The following CREB5 variants were observed in gnomAD, a reference collection of about 807,000 sequenced individuals.
CREB5 encodes the protein cyclic AMP-responsive element-binding protein 5.
A neutral mutation model predicts 57.1 loss-of-function variants in CREB5; 19 were observed. The ratio of observed to expected loss-of-function variants is 0.33; its 90% CI spans 0.23 to 0.49. The LOEUF (loss-of-function observed/expected upper bound fraction) is 0.49. Ranked by LOEUF, CREB5 falls within the 20% of genes least tolerant of loss-of-function variation. CREB5 has a pLI of 0.99. For missense variants in CREB5, 579 were observed against 671.6 expected, an observed-to-expected ratio of 0.86 and a Z score of 1.52; for synonymous variants, 238 against 238.3, an observed-to-expected ratio of 1.00 and a Z score of 0.01.
chr7:28,437,251 T>C (rs1021170658), intron 1 of CREB5, among the ~76,000 whole-genome samples: 1 of 152,198 alleles, frequency 6.6e-6, no homozygotes, highest in African/African-American at 2.4e-5. Context: ...TTGTCTTATT[T>C]AGTAGGTGTT....
intron 1 of CREB5, among the ~76,000 whole-genome samples, chr7:28,440,328 G>C (rs1314638294): frequency 1.3e-5 from 2 of 152,212 alleles, no homozygotes; most frequent in African/African-American, 2.4e-5. Flanking sequence ...ATAGAAAAAT[G>C]GTAGTTCAAC....
At chr7:28,633,927 TG>T (rs1344014685) in intron 5 of CREB5, among the ~76,000 whole-genome samples, 1 of 152,232 alleles carries the variant, frequency 6.6e-6, no homozygotes, top group Non-Finnish European at 1.5e-5. Flanking sequence ...CACTGTTGTC[TG>T]TAGCCAGGAG....
intron 7 of CREB5, among the ~76,000 whole-genome samples, chr7:28,740,028 G>C (rs887870282): frequency 3.3e-5 from 5 of 152,144 alleles, no homozygotes; most frequent in Non-Finnish European, 2.9e-5. Flanking sequence ...AGGGAAGCCT[G>C]AGCCAGATCT....
At chr7:28,777,280 C>G (rs1190622379) in intron 7 of CREB5, among the ~76,000 whole-genome samples, 1 of 152,188 alleles carries the variant, frequency 6.6e-6, no homozygotes, top group Non-Finnish European at 1.5e-5. Flanking sequence ...TGATGTGCTA[C>G]TATCCGGTGC....
chr7:28,714,655 AAC>A (rs1802578362), intron 5 of CREB5, among the ~76,000 whole-genome samples: 1 of 152,226 alleles, frequency 6.6e-6, no homozygotes, highest in African/African-American at 2.4e-5. Context: ...GGACAGTGAA[AAC>A]ACAGTCTGTC....
intron 7 of CREB5, among the ~76,000 whole-genome samples, chr7:28,727,930 CTGTTTGTT>C (rs112375352): frequency 0.012 from 1,886 of 151,154 alleles, 8 homozygotes; most frequent in Middle Eastern, 0.02. Context: ...GATATTGTCC[CTGTTTGTT>C]TGTTTGTTTG....
chr7:28,466,321 G>C (rs933120168), intron 1 of CREB5, among the ~76,000 whole-genome samples: 1 of 151,528 alleles, frequency 6.6e-6, no homozygotes, highest in African/African-American at 2.4e-5. Flanking sequence ...CTCATCTGCT[G>C]CAAGGGAATT....
Position 28,524,257 on chromosome 7 carries a change from A to G in CREB5, c.291+16520A>G, listed in dbSNP as rs1793328514. On this transcript the variant is annotated intron_variant, in intron 4 of 10. Coordinates refer to ENST00000357727, the MANE Select transcript of CREB5 (RefSeq NM_182898.4). ...TTCGGGAGTCAAAGATGGGCAGATC[A>G]CTTGAGGTCAGAAGTTCAAGACTAG... Among the ~76,000 whole-genome samples, 6 of 150,816 alleles carry G rather than the reference A, an allele frequency of 4.0e-5. No individual in the cohort carries two copies. In the South Asian group the frequency reaches 1.3e-3, roughly 32 times the overall value.
intron 5 of CREB5, among the ~76,000 whole-genome samples, chr7:28,671,706 G>A (rs763161565): frequency 6.6e-6 from 1 of 152,202 alleles, no homozygotes; most frequent in Non-Finnish European, 1.5e-5. Flanking sequence ...ATTAGAGTAT[G>A]AACACATCAG....
chr7:28,400,597 G>A (rs1297893237), intron 1 of CREB5, among the ~76,000 whole-genome samples: 1 of 152,148 alleles, frequency 6.6e-6, no homozygotes, highest in Non-Finnish European at 1.5e-5. Context: ...GAGCCAGGTA[G>A]GGAAGCTTTA....
intron 7 of CREB5, among the ~76,000 whole-genome samples, chr7:28,753,071 G>A (rs992928429): frequency 6.6e-6 from 1 of 152,082 alleles, no homozygotes; most frequent in Non-Finnish European, 1.5e-5. Context: ...TTGGCAAAAT[G>A]TACCAAGCCT....
chr7:28,798,694 AG>A (rs1172406431), intron 7 of CREB5, among the ~76,000 whole-genome samples: 1 of 152,234 alleles, frequency 6.6e-6, no homozygotes, highest in African/African-American at 2.4e-5. Flanking sequence ...CCTGTGCGTC[AG>A]GCTTCTCGCC....
intron 5 of CREB5, among the ~76,000 whole-genome samples, chr7:28,614,577 C>A (rs1049594327): frequency 1.3e-5 from 2 of 152,050 alleles, no homozygotes; most frequent in African/African-American, 4.8e-5. Context: ...TAATGAGAGC[C>A]CCTTGCACTT....
At chr7:28,305,812 C>T (rs1392858952) in intron 1 of CREB5, among the ~76,000 whole-genome samples, 1 of 151,004 alleles carries the variant, frequency 6.6e-6, no homozygotes, top group Non-Finnish European at 1.5e-5. Flanking sequence ...AACATATTCT[C>T]CTTGTGAGCT....
intron 5 of CREB5, among the ~76,000 whole-genome samples, chr7:28,572,978 C>T (rs1795761586): frequency 6.6e-6 from 1 of 152,148 alleles, no homozygotes; most frequent in Non-Finnish European, 1.5e-5. Flanking sequence ...TTCTTTTATT[C>T]AGATTCCTCC....
At chr7:28,334,752 T>C (rs936853410) in intron 1 of CREB5, among the ~76,000 whole-genome samples, 6 of 152,150 alleles carry the variant, frequency 3.9e-5, no homozygotes, top group African/African-American at 1.2e-4. Flanking sequence ...CCAGTGCTTG[T>C]GGGGTGTTAC....
chr7:28,387,594 G>A (rs928970155), intron 1 of CREB5, among the ~76,000 whole-genome samples: 1 of 151,972 alleles, frequency 6.6e-6, no homozygotes, highest in Admixed American at 6.6e-5. Context: ...AGAACACATG[G>A]ACACATGTGA....
intron 5 of CREB5, among the ~76,000 whole-genome samples, chr7:28,630,711 G>A (rs2128692816): frequency 6.6e-6 from 1 of 152,272 alleles, no homozygotes; most frequent in South Asian, 2.1e-4. Context: ...CATATAAAAA[G>A]ACAATAGTGT....
chr7:28,824,711 T>C lies in CREB5; in HGVS notation c.*5432T>C, dbSNP rs1240649253. ...GAGTTTTTCAGTGATGTAATGCTTG[T>C]AGCCAAATTGCTTAAAGAGTGTTTA... is the stretch of plus-strand genomic sequence containing the variant. On this transcript the variant is annotated 3_prime_UTR_variant, in exon 11 of 11. Transcript: ENST00000357727. 6.6e-6 allele frequency: 1 copy of C among 152,664 alleles called. No homozygotes were observed. Among genetic ancestry groups the C allele is most frequent in the Non-Finnish European group, 1.5e-5 (1 of 68,032 alleles). The allele number at this position is 152,664 out of a possible 1,614,324, so 9.5% of individuals were successfully genotyped here.
Sources: gnomAD v4.1 joint callset for allele counts (sites outside exome capture counted in the v4.1 genomes callset) on GRCh38, gnomAD v4.1.1 for gene constraint, MANE v1.5 for transcripts, NCBI Gene and HGNC (gene_info 2026-07-23, HGNC 2026-07-21) for gene names.